CERT1: variants seen among roughly 807,000 people sequenced by gnomAD.
CERT1 encodes the protein ceramide transporter 1, also known as ceramide transfer protein.
Under a neutral mutation model 87.9 loss-of-function variants are expected in CERT1, and 31 were observed. The ratio of observed to expected loss-of-function variants is 0.35; its 90% CI spans 0.27 to 0.48. CERT1 has a LOEUF of 0.48. CERT1 is among the 20% of genes least tolerant of loss of function. CERT1 has a pLI of 0.99. For synonymous variants in CERT1, 289 were observed against 250.9 expected (o/e 1.15, Z -1.44); for missense variants, 487 against 758.0 (o/e 0.64, Z 4.20).
At chr5:75,509,056 A>G (rs538567122) in intron 1 of CERT1, among the ~76,000 whole-genome samples, 2 of 152,294 alleles carry the variant, frequency 1.3e-5, no homozygotes, top group Admixed American at 1.3e-4. Context: ...TATAAGAAAT[A>G]TGCTTCATAG....
Position 75,419,431 on chromosome 5 carries a change from A to G in CERT1, c.596-7T>C. The G allele has an allele frequency of 6.3e-7, 1 of 1,581,462 alleles. No homozygotes were observed. Among genetic ancestry groups the G allele is most frequent in the Non-Finnish European group, 8.7e-7 (1 of 1,151,708 alleles). ...TCTTCATCATCTTCTACCACTAAAT[A>G]AAATATATTTAAGGAAATTAGGATG... On this transcript the variant is annotated splice_polypyrimidine_tract_variant and splice_region_variant and intron_variant, in intron 5 of 16. Transcript: ENST00000643780.
intron 3 of CERT1, among the ~76,000 whole-genome samples, chr5:75,436,496 A>T (rs1314381332): frequency 6.6e-6 from 1 of 152,068 alleles, no homozygotes; most frequent in Non-Finnish European, 1.5e-5. Flanking sequence ...GTTTTGGTAA[A>T]GGTTTCCTTT....
At position 75,410,047 on chromosome 5, in the gene CERT1, C is replaced by T. The variant is rs1762867124; in HGVS notation, c.930+964G>A. Among the ~76,000 whole-genome samples, 3 of 152,112 alleles carry T rather than the reference C, an allele frequency of 2.0e-5. No homozygotes were observed. The South Asian group carries it at 6.2e-4, about 32-fold the overall frequency. On this transcript the variant is annotated intron_variant, in intron 8 of 16. Coordinates refer to ENST00000643780, the MANE Select transcript of CERT1 (RefSeq NM_001379029.1). ...CTTGAACTCCTGGCCTCAAGCAATC[C>T]TCCTGCCTTGGCCTCTCAAAGTGCT...
chr5:75,476,937 C>G (rs1033975740), intron 2 of CERT1, among the ~76,000 whole-genome samples: 11 of 152,264 alleles, frequency 7.2e-5, no homozygotes, highest in African/African-American at 2.6e-4. Context: ...AGTCATCTCA[C>G]TTAGTTTTAA....
intron 17 of CERT1, chr5:75,368,871 T>G (rs1414194320): frequency 6.6e-6 from 1 of 152,196 alleles, no homozygotes; most frequent in Non-Finnish European, 1.5e-5. Context: ...GATGTGGCTA[T>G]GTGCTGATAA....
chr5:75,485,312 C>CAAAAAAAAAAAAAAACAA (rs1766462189), intron 2 of CERT1, among the ~76,000 whole-genome samples: 1 of 46,438 alleles, frequency 2.2e-5, no homozygotes. Context: ...CACAAAAATA[C>CAAAAAAAAAAAAAAACAA]AAAAAAAAAA....
intron 2 of CERT1, among the ~76,000 whole-genome samples, chr5:75,494,949 A>C (rs1205467267): frequency 6.6e-6 from 1 of 152,254 alleles, no homozygotes; most frequent in African/African-American, 2.4e-5. Flanking sequence ...CTTTCACAAC[A>C]GGAGACAACC....
In CERT1 at chr5:75,377,823, T is replaced by A. The variant is rs189355383; in HGVS notation, c.*1523A>T. The A allele has an allele frequency of 6.6e-6, 1 of 152,196 alleles. No homozygotes were observed. The highest frequency in any genetic ancestry group is 6.5e-5 in the Admixed American group (1 of 15,278). 9.4% of individuals were successfully genotyped at this position (152,196 alleles called of 1,614,324 possible). A position where few individuals can be genotyped will look rare whatever the true frequency, so the allele number is the denominator to read the frequency against. ...TATTTATTTATTTTTTGACAGACATTACCTGTCCAGGCTGGAGTGCAGTCG... is the reference window on the plus strand; with the variant it reads ...TATTTATTTATTTTTTGACAGACATAACCTGTCCAGGCTGGAGTGCAGTCG... On this transcript the variant is annotated 3_prime_UTR_variant, in exon 17 of 17. Coordinates refer to ENST00000643780, the MANE Select transcript of CERT1 (RefSeq NM_001379029.1).
At chr5:75,458,644 C>T (rs551244697) in intron 3 of CERT1, among the ~76,000 whole-genome samples, 8 of 152,042 alleles carry the variant, frequency 5.3e-5, no homozygotes, top group African/African-American at 1.4e-4. Context: ...CTCTGCCTCC[C>T]GGATTCAAGC....
At chr5:75,379,892 T>G (rs16872526) in intron 16 of CERT1, among the ~76,000 whole-genome samples, 12,593 of 152,240 alleles carry the variant, frequency 0.083, 610 homozygotes, top group South Asian at 0.17. Flanking sequence ...GGACCAATTA[T>G]GATCTTTTAA....
At chr5:75,382,170 A>G in intron 14 of CERT1, 93 bp from the exon 15 acceptor site, 6 of 1,199,632 alleles carry the variant, frequency 5.0e-6, no homozygotes, top group Non-Finnish European at 5.8e-6. Flanking sequence ...TGAAGGTAAA[A>G]TCTCTCAAAT....
intron 11 of CERT1, 89 bp downstream of exon 11, chr5:75,399,221 G>T: frequency 1.0e-6 from 1 of 954,360 alleles, no homozygotes; most frequent in Non-Finnish European, 1.7e-6. Context: ...AAAATCAGTG[G>T]CCTAACCAAA....
intron 2 of CERT1, among the ~76,000 whole-genome samples, chr5:75,466,904 T>A (rs1765481278): frequency 6.6e-6 from 1 of 152,244 alleles, no homozygotes; most frequent in Admixed American, 6.5e-5. Context: ...ATTTCCTATA[T>A]TAAACACTTT....
chr5:75,412,874 G>A (rs1329575647), intron 7 of CERT1, among the ~76,000 whole-genome samples: 1 of 152,094 alleles, frequency 6.6e-6, no homozygotes, highest in Non-Finnish European at 1.5e-5. Flanking sequence ...TTTTAACACT[G>A]CATACTTAGG....
chr5:75,376,806 C>G (rs140075218), downstream of CERT1: 1 of 152,136 alleles, frequency 6.6e-6, no homozygotes, highest in Non-Finnish European at 1.5e-5. Flanking sequence ...TGCAATATCC[C>G]TTATGTTAGT....
At chr5:75,448,821 C>G (rs1290511042) in intron 3 of CERT1, among the ~76,000 whole-genome samples, 1 of 152,106 alleles carries the variant, frequency 6.6e-6, no homozygotes, top group East Asian at 1.9e-4. Flanking sequence ...TCTTTAATAT[C>G]TTCTGTAAGA....
intron 6 of CERT1, 28 bp downstream of exon 6, chr5:75,419,313 C>T (rs779338595): frequency 1.9e-5 from 27 of 1,427,346 alleles, no homozygotes; most frequent in Non-Finnish European, 2.4e-5. Flanking sequence ...ATATTTTATC[C>T]AGCTGAGGGG....
intron 3 of CERT1, among the ~76,000 whole-genome samples, chr5:75,447,438 T>TA (rs550744077): frequency 4.3e-4 from 60 of 138,552 alleles, no homozygotes; most frequent in African/African-American, 1.7e-3. Context: ...CTTCCTTTTT[T>TA]AAAAAAAATT....
intron 2 of CERT1, among the ~76,000 whole-genome samples, chr5:75,485,312 C>CAAAAAAAAAAAAAAAAAAAAAAAAAAAA (rs757349878): frequency 2.2e-4 from 10 of 46,438 alleles, no homozygotes; most frequent in Non-Finnish European, 3.0e-4. Context: ...CACAAAAATA[C>CAAAAAAAAAAAAAAAAAAAAAAAAAAAA]AAAAAAAAAA....
Sources: allele counts gnomAD v4.1 joint callset (sites outside exome capture counted in the v4.1 genomes callset), GRCh38; gene constraint gnomAD v4.1.1; transcripts MANE v1.5; gene names NCBI Gene and HGNC (gene_info 2026-07-23, HGNC 2026-07-21).